The following SH3RF1 variants were observed in gnomAD, a reference collection of about 807,000 sequenced individuals.
SH3RF1 encodes E3 ubiquitin-protein ligase SH3RF1.
In SH3RF1, 32 loss-of-function variants were observed where a neutral mutation model predicts 74.0. The observed-to-expected ratio is 0.43, with a 90% CI of 0.33 to 0.58. The LOEUF (loss-of-function observed/expected upper bound fraction) is 0.58, where lower values mean the gene tolerates loss of function less well. Among genes scored for constraint, SH3RF1 ranks in the 20% least tolerant of loss-of-function variants. SH3RF1 has a pLI of 0.05. For missense variants in SH3RF1, 954 were observed against 1,130.9 expected, an observed-to-expected ratio of 0.84 and a Z score of 2.24; for synonymous variants, 396 against 439.6, an observed-to-expected ratio of 0.90 and a Z score of 1.24.
At chr4:169,235,992 T>A (rs1730818005) in intron 2 of SH3RF1, among the ~76,000 whole-genome samples, 1 of 152,228 alleles carries the variant, frequency 6.6e-6, no homozygotes, top group East Asian at 1.9e-4. Flanking sequence ...ACTTAATTTC[T>A]TTCAGTGACA....
At chr4:169,121,200 G>A (rs1315857934) in intron 7 of SH3RF1, among the ~76,000 whole-genome samples, 2 of 152,216 alleles carry the variant, frequency 1.3e-5, no homozygotes. Context: ...TCCTGATTAA[G>A]AACCTGTTCC....
At chr4:169,155,666 T>A in intron 3 of SH3RF1, 91 bp from the exon 4 acceptor site, 1 of 911,240 alleles carries the variant, frequency 1.1e-6, no homozygotes, top group Non-Finnish European at 1.8e-6. Context: ...AAGAGACTCA[T>A]GTTTTAAAGA....
chr4:169,098,663 T>C (rs1235955016), intron 11 of SH3RF1, among the ~76,000 whole-genome samples: 1 of 152,178 alleles, frequency 6.6e-6, no homozygotes, highest in Non-Finnish European at 1.5e-5. Flanking sequence ...TGAATATTCA[T>C]AGACCACAAG....
chr4:169,268,858 G>A lies in SH3RF1; in HGVS notation c.355C>T (p.Gln119Ter). ...SKDLQSSQGG[Q>*]QPRVQSWSPP... ...CTCCAGGATTGCACCCGAGGCTGCT[G>A]TCCGCCCTGGGAGCTCTGCAGATCT... Residue 119 changes from glutamine to a stop codon, truncating the protein, a stop_gained, in exon 2 of 12, where the codon CAG becomes TAG. Transcript: ENST00000284637. LOFTEE classifies it high-confidence loss of function. 6.2e-7 allele frequency: 1 copy of A among 1,610,072 alleles called. No individual in the cohort carries two copies. Among genetic ancestry groups the A allele is most frequent in the African/African-American group, 1.3e-5 (1 of 74,968 alleles).
intron 2 of SH3RF1, among the ~76,000 whole-genome samples, chr4:169,241,077 AAAATT>A (rs1730900670): frequency 6.6e-6 from 1 of 152,130 alleles, no homozygotes; most frequent in Admixed American, 6.5e-5. Flanking sequence ...AAAAATACAA[AAAATT>A]AGCCAAGCGT....
chr4:169,195,328 C>G (rs1734791750), intron 2 of SH3RF1, among the ~76,000 whole-genome samples: 1 of 152,072 alleles, frequency 6.6e-6, no homozygotes, highest in African/African-American at 2.4e-5. Context: ...TGTCTTTTTC[C>G]CCCCACTCTG....
At chr4:169,129,987 C>A (rs774482106) in intron 6 of SH3RF1, 59 bp downstream of exon 6, 26 of 1,371,646 alleles carry the variant, frequency 1.9e-5, no homozygotes, top group Non-Finnish European at 2.7e-5. Flanking sequence ...GTGGAGTGTG[C>A]CAGATTAACA....
intron 2 of SH3RF1, among the ~76,000 whole-genome samples, chr4:169,233,354 A>G (rs1378196711): frequency 6.6e-6 from 1 of 152,086 alleles, no homozygotes; most frequent in African/African-American, 2.4e-5. Flanking sequence ...CAACATGTAC[A>G]GTAGCATATA....
chr4:169,139,436 T>C (rs567805201), intron 4 of SH3RF1, among the ~76,000 whole-genome samples: 1 of 152,356 alleles, frequency 6.6e-6, no homozygotes, highest in East Asian at 1.9e-4. Flanking sequence ...CATGAGTCAG[T>C]AGTTCTTTCT....
intron 2 of SH3RF1, among the ~76,000 whole-genome samples, chr4:169,248,268 G>T (rs1338863384): frequency 6.6e-6 from 1 of 152,160 alleles, no homozygotes; most frequent in Non-Finnish European, 1.5e-5. Flanking sequence ...ACCGCATAAA[G>T]AAAATGTGGC....
intron 2 of SH3RF1, among the ~76,000 whole-genome samples, chr4:169,240,643 T>A (rs1350113923): frequency 6.6e-6 from 1 of 152,252 alleles, no homozygotes; most frequent in East Asian, 1.9e-4. Context: ...TTAATATGTA[T>A]ACATTGTGAA....
In SH3RF1 at chr4:169,136,450, G is replaced by T; in HGVS notation, c.936C>A (p.Asn312Lys). The change falls in exon 5 of 12, where the codon AAC (asparagine) becomes AAA (lysine). Residue 312 changes from asparagine to lysine, a missense_variant. This residue lies in a region of SH3RF1 where 854 missense variants were observed against 962.5 expected (regional missense o/e 0.89). Coordinates refer to ENST00000284637, the MANE Select transcript of SH3RF1 (RefSeq NM_020870.4). ...RHSFTSLTMA[N>K]KSSQASQNRH... ...GGTTCTGGGATGCCTGGGAGGACTT[G>T]TTGGCCATAGTGAGGGAAGTGAAGG... 1.2e-6 allele frequency: 2 copies of T among 1,612,892 alleles called. No individual in the cohort carries two copies. Among genetic ancestry groups the T allele is most frequent in the Non-Finnish European group, 1.7e-6 (2 of 1,179,398 alleles).
At chr4:169,169,868 T>C (rs754041179) in intron 2 of SH3RF1, among the ~76,000 whole-genome samples, 48 of 152,202 alleles carry the variant, frequency 3.2e-4, no homozygotes, top group Admixed American at 7.2e-4. Context: ...GCTCGGTCCA[T>C]TGGAAATGAG....
At chr4:169,132,917 C>A (rs1405751034) in intron 5 of SH3RF1, among the ~76,000 whole-genome samples, 1 of 152,186 alleles carries the variant, frequency 6.6e-6, no homozygotes, top group East Asian at 1.9e-4. Context: ...TCTATCTGAT[C>A]TGGCGACCCA....
intron 2 of SH3RF1, among the ~76,000 whole-genome samples, chr4:169,198,790 C>T (rs555842960): frequency 6.6e-6 from 1 of 152,078 alleles, no homozygotes; most frequent in South Asian, 2.1e-4. Flanking sequence ...AAAGAAATAA[C>T]AATTAGGCTG....
intron 6 of SH3RF1, among the ~76,000 whole-genome samples, chr4:169,129,004 C>CA (rs34763648): frequency 0.013 from 1,984 of 152,254 alleles, 14 homozygotes; most frequent in Non-Finnish European, 0.02. Context: ...CTTAAAGAGG[C>CA]AGAGTACCTT....
intron 8 of SH3RF1, 130 bp downstream of exon 8, chr4:169,120,689 T>G (rs1733422637): frequency 5.2e-6 from 5 of 957,440 alleles, no homozygotes; most frequent in Non-Finnish European, 7.6e-6. Flanking sequence ...GATGTAGACA[T>G]GGATTTTTAA....
intron 2 of SH3RF1, among the ~76,000 whole-genome samples, chr4:169,265,318 A>T (rs775339251): frequency 4.8e-4 from 73 of 152,304 alleles, no homozygotes; most frequent in Non-Finnish European, 2.1e-4. Context: ...ACTAAGTATA[A>T]ATTAGTATAA....
At chr4:169,139,653 T>C (rs1410988289) in intron 4 of SH3RF1, among the ~76,000 whole-genome samples, 1 of 152,214 alleles carries the variant, frequency 6.6e-6, no homozygotes, top group Non-Finnish European at 1.5e-5. Flanking sequence ...ATTGGGTACA[T>C]GTCCAGGAGT....
Sources: gnomAD v4.1 joint callset for allele counts (sites outside exome capture counted in the v4.1 genomes callset) on GRCh38, gnomAD v4.1.1 for gene constraint, gnomAD v4.1.1 regional missense constraint, MANE v1.5 for transcripts, NCBI Gene and HGNC (gene_info 2026-07-23, HGNC 2026-07-21) for gene names.